ZFAT: variants seen among roughly 807,000 people sequenced by gnomAD.
ZFAT encodes the protein zinc finger and AT-hook domain containing.
A neutral mutation model predicts 117.7 loss-of-function variants in ZFAT; 64 were observed. The observed-to-expected ratio is 0.54, with a 90% CI of 0.44 to 0.67. ZFAT has a LOEUF of 0.67. Ranked by LOEUF, ZFAT falls within the 30% of genes least tolerant of loss-of-function variation. ZFAT has a pLI of 0.00. For synonymous variants in ZFAT, 679 were observed against 615.0 expected (o/e 1.10, Z -1.54); for missense variants, 1,433 against 1,584.5 (o/e 0.90, Z 1.62).
chr8:134,730,331 ACT>A, the ZFAT span, among the ~76,000 whole-genome samples: 1 of 151,942 alleles, frequency 6.6e-6, no homozygotes, highest in Non-Finnish European at 1.5e-5. Flanking sequence ...ATCTCCCATG[ACT>A]CTCGCCTTTT....
the ZFAT span, among the ~76,000 whole-genome samples, chr8:134,719,335 G>A: frequency 0.13 from 20,514 of 152,142 alleles, 1,470 homozygotes; most frequent in Non-Finnish European, 0.16. Flanking sequence ...AAGGTGTTGA[G>A]CCCCACATCA....
chr8:134,501,466 T>C (rs547559798), intron 15 of ZFAT, among the ~76,000 whole-genome samples: 7 of 152,304 alleles, frequency 4.6e-5, no homozygotes, highest in South Asian at 2.1e-4. Context: ...TTTACAATTA[T>C]ACATACTCTT....
chr8:134,637,837 G>T, intron 2 of ZFAT, 125 bp from the exon 3 acceptor site: 2 of 1,312,322 alleles, frequency 1.5e-6, no homozygotes, highest in Non-Finnish European at 2.1e-6. Flanking sequence ...AGTCTAAAGT[G>T]ATTCCAGACA....
chr8:134,599,445 G>A (rs1827235283), intron 7 of ZFAT: 1 of 233,230 alleles, frequency 4.3e-6, no homozygotes, highest in Non-Finnish European at 8.6e-6. Context: ...TTAAAAATAT[G>A]TATCTTATAC....
chr8:134,801,598 T>A, the ZFAT span, among the ~76,000 whole-genome samples: 4 of 152,134 alleles, frequency 2.6e-5, no homozygotes, highest in African/African-American at 9.7e-5. Flanking sequence ...GCCACCCCAC[T>A]CTACAACCAT....
At chr8:134,778,763 A>T in the ZFAT span, among the ~76,000 whole-genome samples, 2 of 152,248 alleles carry the variant, frequency 1.3e-5, no homozygotes, top group African/African-American at 4.8e-5. Context: ...TCAAAGTGGC[A>T]GGAGGATGAT....
At chr8:134,581,260 C>T (rs904156103) in intron 10 of ZFAT, among the ~76,000 whole-genome samples, 1 of 151,744 alleles carries the variant, frequency 6.6e-6, no homozygotes, top group South Asian at 2.1e-4. Flanking sequence ...CAAGCCAGTC[C>T]CAGGCAAAAC....
At chr8:134,579,201 G>T (rs1465718434) in intron 10 of ZFAT, among the ~76,000 whole-genome samples, 1 of 152,182 alleles carries the variant, frequency 6.6e-6, no homozygotes, top group Non-Finnish European at 1.5e-5. Context: ...ACATGGCAGT[G>T]CCAAGGCTGG....
intron 5 of ZFAT, among the ~76,000 whole-genome samples, chr8:134,606,479 C>T (rs1410045860): frequency 6.6e-6 from 1 of 152,090 alleles, no homozygotes; most frequent in Non-Finnish European, 1.5e-5. Flanking sequence ...TTTTGGGAGG[C>T]CAAGGCTGGT....
At chr8:134,641,791 C>A (rs1420133651) in intron 2 of ZFAT, among the ~76,000 whole-genome samples, 2 of 152,206 alleles carry the variant, frequency 1.3e-5, no homozygotes, top group Non-Finnish European at 2.9e-5. Flanking sequence ...GAAGAAAGGG[C>A]TGAGCCACAG....
At position 134,692,579 on chromosome 8, in the gene ZFAT, AC is replaced by A. The variant is rs1361208662; in HGVS notation, c.19+20265del. 2.0e-5 allele frequency among the ~76,000 whole-genome samples: 3 copies of A among 152,222 alleles called. No individual in the cohort carries two copies. The East Asian group carries it at 5.8e-4, about 29-fold the overall frequency. Reference sequence around the variant, plus strand: ...TGAAATACGCTCACCTCCAAAATTCACCTAGTCAAAGGATGAAAGTAAATAC... The same window carrying A: ...TGAAATACGCTCACCTCCAAAATTCACTAGTCAAAGGATGAAAGTAAATAC... On this transcript the variant is annotated intron_variant, in intron 1 of 15. Transcript: ENST00000377838.
rs138349209 is a variant in ZFAT, at chr8:134,638,134, G to A, written c.197-422C>T. On this transcript the variant is annotated intron_variant, in intron 2 of 15. Transcript: ENST00000377838. ...CTGCTGAGCTTGTCATGCCCTTAAT[G>A]AGTTACAAAACTATTCAGATTATTT... 4.4e-3 allele frequency among the ~76,000 whole-genome samples: 663 copies of A among 152,266 alleles called. 4 individuals are homozygous for A. Among genetic ancestry groups the A allele is most frequent in the African/African-American group, 0.014 (601 of 41,554 alleles).
chr8:134,572,534 G>A (rs575809992), intron 10 of ZFAT, among the ~76,000 whole-genome samples: 2 of 152,280 alleles, frequency 1.3e-5, no homozygotes, highest in South Asian at 2.1e-4. Flanking sequence ...GACTGGCTAC[G>A]CACTGACTTA....
chr8:134,753,230 A>T, the ZFAT span, among the ~76,000 whole-genome samples: 46,658 of 109,794 alleles, frequency 0.42, 7,362 homozygotes, highest in South Asian at 0.45. Flanking sequence ...CCAACGAACC[A>T]ACCAACAACA....
At chr8:134,588,477 AC>A in intron 8 of ZFAT, 82 bp from the exon 9 acceptor site, 3 of 1,407,122 alleles carry the variant, frequency 2.1e-6, no homozygotes, top group Non-Finnish European at 2.8e-6. Context: ...GCTAAGCAGC[AC>A]CCACAGGAGG....
chr8:134,633,319 A>C (rs1412667543), intron 3 of ZFAT, among the ~76,000 whole-genome samples: 1 of 152,234 alleles, frequency 6.6e-6, no homozygotes, highest in African/African-American at 2.4e-5. Flanking sequence ...CTGCAAAATA[A>C]AAAGCACTAA....
intron 3 of ZFAT, among the ~76,000 whole-genome samples, chr8:134,632,148 C>T (rs540777031): frequency 1.3e-5 from 2 of 152,234 alleles, no homozygotes; most frequent in South Asian, 2.1e-4. Context: ...AAAGACCAAC[C>T]CCTCCTCTTT....
At chr8:134,798,290 C>T in the ZFAT span, 4 of 151,974 alleles carry the variant, frequency 2.6e-5, no homozygotes, top group Non-Finnish European at 2.9e-5. Flanking sequence ...TTATCAAAGA[C>T]ATCCAATTTT....
At chr8:134,686,641 T>C in intron 1 of ZFAT, among the ~76,000 whole-genome samples, 1 of 152,194 alleles carries the variant, frequency 6.6e-6, no homozygotes, top group South Asian at 2.1e-4. Flanking sequence ...TGTGTGACCC[T>C]GCGCACACAC....
Sources: gnomAD v4.1 joint callset for allele counts (sites outside exome capture counted in the v4.1 genomes callset) on GRCh38, gnomAD v4.1.1 for gene constraint, MANE v1.5 for transcripts, NCBI Gene and HGNC (gene_info 2026-07-23, HGNC 2026-07-21) for gene names.